SEMA3D: variants seen among roughly 807,000 people sequenced by gnomAD.
The protein encoded by SEMA3D is semaphorin 3D, also known as semaphorin-3D.
Under a neutral mutation model 100.1 loss-of-function variants are expected in SEMA3D, and 84 were observed. That is an observed-to-expected ratio of 0.84 (90% CI 0.70 to 1.01). The LOEUF is 1.01. SEMA3D is among the 50% of genes least tolerant of loss of function. SEMA3D has a pLI of 0.00. For synonymous variants in SEMA3D, 312 were observed against 320.7 expected, an observed-to-expected ratio of 0.97 and a Z score of 0.29; for missense variants, 875 against 934.1, an observed-to-expected ratio of 0.94 and a Z score of 0.82.
At chr7:85,152,513 C>T (rs1790458441) in intron 2 of SEMA3D, among the ~76,000 whole-genome samples, 2 of 151,998 alleles carry the variant, frequency 1.3e-5, no homozygotes, top group African/African-American at 2.4e-5. Flanking sequence ...TAATCACAAT[C>T]TTATAGTAAA....
upstream of SEMA3D, among the ~76,000 whole-genome samples, chr7:85,190,731 T>C (rs575815036): frequency 6.6e-6 from 1 of 152,230 alleles, no homozygotes; most frequent in East Asian, 1.9e-4. Context: ...CTGCTTCTCA[T>C]CATCAGATAA....
the SEMA3D span, among the ~76,000 whole-genome samples, chr7:85,207,589 A>G: frequency 2.6e-5 from 4 of 152,090 alleles, no homozygotes; most frequent in African/African-American, 9.7e-5. Flanking sequence ...CCTGGGTGAA[A>G]ATTCAGAATT....
At chr7:85,103,261 G>C (rs1319972078) in intron 3 of SEMA3D, among the ~76,000 whole-genome samples, 3 of 151,924 alleles carry the variant, frequency 2.0e-5, no homozygotes, top group African/African-American at 7.3e-5. Context: ...AAGACACTCA[G>C]TGGATTTCAT....
the SEMA3D span, among the ~76,000 whole-genome samples, chr7:85,210,045 A>G: frequency 1.3e-5 from 2 of 152,100 alleles, no homozygotes; most frequent in Non-Finnish European, 2.9e-5. Context: ...TCATTTACTG[A>G]TGAATAAACT....
At chr7:85,089,720 A>G (rs1788327672) in intron 4 of SEMA3D, among the ~76,000 whole-genome samples, 1 of 152,060 alleles carries the variant, frequency 6.6e-6, no homozygotes, top group African/African-American at 2.4e-5. Flanking sequence ...CTCTGTCTCT[A>G]TGAAAAATAA....
intron 10 of SEMA3D, 43 bp from the exon 11 acceptor site, chr7:85,040,785 A>G (rs757909350): frequency 1.1e-6 from 1 of 909,434 alleles, no homozygotes; most frequent in South Asian, 1.4e-5. Flanking sequence ...ATTTTTCAGT[A>G]TTACATTGCT....
At chr7:85,201,765 G>A in the SEMA3D span, among the ~76,000 whole-genome samples, 1 of 151,670 alleles carries the variant, frequency 6.6e-6, no homozygotes, top group Non-Finnish European at 1.5e-5. Flanking sequence ...CTGTCTCCCA[G>A]GCTGGAGCTG....
At chr7:85,069,227 G>A (rs1791707037) in intron 6 of SEMA3D, among the ~76,000 whole-genome samples, 1 of 152,046 alleles carries the variant, frequency 6.6e-6, no homozygotes, top group Non-Finnish European at 1.5e-5. Flanking sequence ...TAGAACACAA[G>A]CAATAAAGCA....
At position 85,056,352 on chromosome 7, in the gene SEMA3D, T is replaced by C. The variant is rs147617063; in HGVS notation, c.719-493A>G. Among the ~76,000 whole-genome samples the C allele has an allele frequency of 9.2e-5, 14 of 152,144 alleles. No homozygotes were observed. In the East Asian group the frequency reaches 2.7e-3, roughly 29 times the overall value. On this transcript the variant is annotated intron_variant, in intron 8 of 18. Coordinates refer to ENST00000284136, the MANE Select transcript of SEMA3D (RefSeq NM_001384900.1). Reference sequence around the variant, plus strand: ...TCAATATGACAGTATAGGCTCTAGATAAACTTTCTGAATTTATCTCTTTCA... The same window carrying C: ...TCAATATGACAGTATAGGCTCTAGACAAACTTTCTGAATTTATCTCTTTCA...
At chr7:85,119,944 C>A (rs1035170140) in intron 3 of SEMA3D, among the ~76,000 whole-genome samples, 1 of 150,312 alleles carries the variant, frequency 6.7e-6, no homozygotes, top group African/African-American at 2.5e-5. Context: ...CTTTCCGAGT[C>A]GCACCATTAA....
At chr7:85,232,357 C>T in the SEMA3D span, among the ~76,000 whole-genome samples, 2 of 152,180 alleles carry the variant, frequency 1.3e-5, no homozygotes, top group African/African-American at 2.4e-5. Flanking sequence ...GTCTGGAACA[C>T]TTGGCTAACC....
intron 9 of SEMA3D, among the ~76,000 whole-genome samples, chr7:85,045,311 C>T (rs1401280447): frequency 1.3e-5 from 2 of 151,914 alleles, no homozygotes; most frequent in African/African-American, 4.8e-5. Context: ...TCAAGGAAAG[C>T]TTTAATGCCA....
chr7:85,167,606 T>C (rs1161502860), intron 1 of SEMA3D, among the ~76,000 whole-genome samples: 2 of 151,654 alleles, frequency 1.3e-5, no homozygotes, highest in African/African-American at 4.8e-5. Context: ...AAAAGGCCAA[T>C]ATATTTAAGA....
intron 9 of SEMA3D, among the ~76,000 whole-genome samples, chr7:85,049,161 G>T (rs541357225): frequency 6.6e-6 from 1 of 150,692 alleles, no homozygotes; most frequent in East Asian, 1.9e-4. Flanking sequence ...TAAGGCAAAG[G>T]ATAGAGGAGA....
At chr7:85,050,315 A>T (rs985297285) in intron 9 of SEMA3D, 18 of 154,198 alleles carry the variant, frequency 1.2e-4, no homozygotes, top group Non-Finnish European at 2.4e-4. Context: ...TTGGGGTGTA[A>T]GTTGCACCAT....
intron 1 of SEMA3D, among the ~76,000 whole-genome samples, chr7:85,160,558 A>G (rs1790718992): frequency 6.6e-6 from 1 of 152,122 alleles, no homozygotes; most frequent in South Asian, 2.1e-4. Context: ...AGAAACACGC[A>G]TCATCATTCT....
At chr7:85,045,989 A>G (rs866805964) in intron 9 of SEMA3D, among the ~76,000 whole-genome samples, 17 of 152,030 alleles carry the variant, frequency 1.1e-4, no homozygotes, top group Middle Eastern at 3.5e-3. Flanking sequence ...ATATTTTGAG[A>G]GGATCAGCAG....
chr7:85,092,894 A>T (rs987955587), intron 4 of SEMA3D, among the ~76,000 whole-genome samples: 1 of 152,074 alleles, frequency 6.6e-6, no homozygotes, highest in African/African-American at 2.4e-5. Flanking sequence ...TACAAGCAAA[A>T]TAATTATTTA....
intron 2 of SEMA3D, among the ~76,000 whole-genome samples, chr7:85,126,932 C>A (rs547446640): frequency 2.0e-5 from 3 of 152,184 alleles, no homozygotes; most frequent in African/African-American, 7.2e-5. Context: ...TTTATCCTAT[C>A]CTTTCTAAGT....
Sources: allele counts gnomAD v4.1 joint callset (sites outside exome capture counted in the v4.1 genomes callset), GRCh38; gene constraint gnomAD v4.1.1; transcripts MANE v1.5; gene names NCBI Gene and HGNC (gene_info 2026-07-23, HGNC 2026-07-21).